Variants in GPD2 observed in about 807,000 individuals in gnomAD.
GPD2 encodes glycerol-3-phosphate dehydrogenase, mitochondrial.
A neutral mutation model predicts 82.4 loss-of-function variants in GPD2; 54 were observed. The observed-to-expected ratio is 0.66, with a 90% CI of 0.53 to 0.82. The LOEUF (loss-of-function observed/expected upper bound fraction) is 0.82, where lower values mean the gene tolerates loss of function less well. GPD2 is among the 40% of genes least tolerant of loss of function. GPD2 has a pLI of 0.00. For missense variants in GPD2, 748 were observed against 896.2 expected, an observed-to-expected ratio of 0.83 and a Z score of 2.11; for synonymous variants, 288 against 306.1, an observed-to-expected ratio of 0.94 and a Z score of 0.62.
chr2:156,424,536 A>C, the GPD2 span, among the ~76,000 whole-genome samples: 2 of 152,236 alleles, frequency 1.3e-5, no homozygotes, highest in Non-Finnish European at 2.9e-5. Flanking sequence ...GGAAGAAGAA[A>C]ATCAAGGATA....
At chr2:156,461,562 T>G (rs1682989197) in intron 1 of GPD2, among the ~76,000 whole-genome samples, 1 of 152,094 alleles carries the variant, frequency 6.6e-6, no homozygotes, top group Non-Finnish European at 1.5e-5. Flanking sequence ...CTATTTTTTG[T>G]AGGCACAGGG....
chr2:156,525,709 A>G (rs777798211), intron 6 of GPD2, among the ~76,000 whole-genome samples: 1 of 152,220 alleles, frequency 6.6e-6, no homozygotes, highest in African/African-American at 2.4e-5. Context: ...GTGACTTAAC[A>G]TATTTATTTC....
At chr2:156,548,739 A>G (rs764971959) in intron 6 of GPD2, among the ~76,000 whole-genome samples, 2 of 152,176 alleles carry the variant, frequency 1.3e-5, no homozygotes, top group Non-Finnish European at 2.9e-5. Flanking sequence ...ACTGATCCCA[A>G]TGTGTGGGAA....
chr2:156,444,209 T>C (rs1682275266), intron 1 of GPD2, among the ~76,000 whole-genome samples: 2 of 152,238 alleles, frequency 1.3e-5, no homozygotes, highest in African/African-American at 4.8e-5. Context: ...TTTTATTACC[T>C]GGAGTTTGGG....
At position 156,561,040 on chromosome 2, in the gene GPD2, C is replaced by CTTTTTTT. The variant is rs35948070; in HGVS notation, c.1165+3477_1165+3483dup. On this transcript the variant is annotated intron_variant, in intron 9 of 16. Coordinates refer to ENST00000438166, the MANE Select transcript of GPD2 (RefSeq NM_000408.5). ...GAAACTGAGGCCCAGTGACATTAAG[C>CTTTTTTT]TTTTTTTTTTTTTTTTTTTTTTTTT... Among the ~76,000 whole-genome samples, 94 of 27,628 alleles carry CTTTTTTT rather than the reference C, an allele frequency of 3.4e-3. 7 individuals carry two copies. The highest frequency in any genetic ancestry group is 5.0e-3 in the East Asian group (3 of 598). 18.1% of individuals were successfully genotyped at this position (27,628 alleles called of 152,430 possible).
At chr2:156,575,982 G>A (rs547001529) in intron 13 of GPD2, among the ~76,000 whole-genome samples, 1 of 152,298 alleles carries the variant, frequency 6.6e-6, no homozygotes, top group Non-Finnish European at 1.5e-5. Flanking sequence ...GAGAGTGAAT[G>A]TTTGATGATG....
intron 6 of GPD2, among the ~76,000 whole-genome samples, chr2:156,532,657 T>A (rs375629383): frequency 6.6e-6 from 1 of 152,150 alleles, no homozygotes; most frequent in African/African-American, 2.4e-5. Context: ...ATTCTATTGG[T>A]GGCAATAGGA....
In GPD2 at chr2:156,584,851, A is replaced by C. The variant is rs950836776; in HGVS notation, c.*1933A>C. 1 of 152,246 alleles carries C rather than the reference A, an allele frequency of 6.6e-6. No individual in the cohort carries two copies. The highest frequency in any genetic ancestry group is 1.5e-5 in the Non-Finnish European group (1 of 67,894). The allele number at this position is 152,246 out of a possible 1,614,324, so 9.4% of individuals were successfully genotyped here. ...CCAGATGATATACACAATATGGTACATTTGTGCTCTCTCTCTCTGTTTTTC... is the reference window on the plus strand; with the variant it reads ...CCAGATGATATACACAATATGGTACCTTTGTGCTCTCTCTCTCTGTTTTTC... On this transcript the variant is annotated 3_prime_UTR_variant, in exon 17 of 17. Coordinates refer to ENST00000438166, the MANE Select transcript of GPD2 (RefSeq NM_000408.5).
At chr2:156,416,127 A>G in the GPD2 span, among the ~76,000 whole-genome samples, 2 of 151,854 alleles carry the variant, frequency 1.3e-5, no homozygotes, top group African/African-American at 4.8e-5. Context: ...ATCTTGAGTA[A>G]TATTCTATCA....
intron 6 of GPD2, among the ~76,000 whole-genome samples, chr2:156,530,927 A>G (rs1298844122): frequency 2.0e-5 from 3 of 152,162 alleles, no homozygotes; most frequent in African/African-American, 7.2e-5. Context: ...CCTGGGCTCA[A>G]GTGATTCTCC....
At position 156,513,436 on chromosome 2, in the gene GPD2, C is replaced by G. The variant is rs150794535; in HGVS notation, c.601C>G (p.Leu201Val). 2.5e-6 allele frequency: 4 copies of G among 1,612,616 alleles called. No homozygotes were observed. The highest frequency in any genetic ancestry group is 3.4e-6 in the Non-Finnish European group (4 of 1,179,282). Reference sequence around the variant, plus strand: ...TTATGTCCTCAGCAAATCAAGAGCCCTTGAACATTTCCCAATGCTCCAGAA... The same window carrying G: ...TTATGTCCTCAGCAAATCAAGAGCCGTTGAACATTTCCCAATGCTCCAGAA... ...SSYVLSKSRA[L>V]EHFPMLQKDK... Residue 201 changes from leucine to valine, a missense_variant, in exon 6 of 17, where the codon CTT becomes GTT. Leu to Val is a conservative substitution (Grantham distance 32). Around this residue, in one of 3 missense-constraint regions of GPD2, gnomAD observed 692 missense variants for 809.7 expected, o/e 0.85. Coordinates refer to ENST00000438166, the MANE Select transcript of GPD2 (RefSeq NM_000408.5).
chr2:156,470,701 C>T (rs1253122145), intron 1 of GPD2, among the ~76,000 whole-genome samples: 3 of 152,120 alleles, frequency 2.0e-5, no homozygotes, highest in African/African-American at 7.2e-5. Context: ...GGTGGATGCA[C>T]TCAGGGACTT....
At position 156,512,250 on chromosome 2, in the gene GPD2, C is replaced by T. The variant is rs531051841; in HGVS notation, c.430C>T (p.Arg144Cys). The change falls in exon 5 of 17, where the codon CGT becomes TGT. Residue 144 changes from arginine (R) to cysteine (C), a missense_variant. Physicochemically the swap from Arg to Cys is radical, Grantham distance 180 (BLOSUM62 -3). This residue lies in a region of GPD2 where 692 missense variants were observed against 809.7 expected (regional missense o/e 0.85). Coordinates refer to ENST00000438166, the MANE Select transcript of GPD2 (RefSeq NM_000408.5). ...YRMVKEALHE[R>C]ANLLEIAPHL... Reference sequence around the variant, plus strand: ...GATGGTAAAAGAAGCCCTTCATGAGCGTGCCAACCTGCTAGAAATTGCTCC... The same window carrying T: ...GATGGTAAAAGAAGCCCTTCATGAGTGTGCCAACCTGCTAGAAATTGCTCC... The T allele has an allele frequency of 2.4e-5, 38 of 1,598,770 alleles. 1 individual carries two copies. In the Admixed American group the frequency reaches 3.0e-4, roughly 13 times the overall value.
chr2:156,500,870 TCTC>T (rs1486897593), intron 3 of GPD2, among the ~76,000 whole-genome samples: 6 of 152,330 alleles, frequency 3.9e-5, no homozygotes, highest in Admixed American at 2.0e-4. Flanking sequence ...TATGCAGACT[TCTC>T]CTCACGTTCT....
intron 6 of GPD2, 111 bp downstream of exon 6, chr2:156,513,607 C>G (rs1426279845): frequency 1.2e-6 from 1 of 850,160 alleles, no homozygotes; most frequent in East Asian, 2.6e-5. Flanking sequence ...TAATCTTACA[C>G]AACACACAAA....
At chr2:156,405,625 C>A in the GPD2 span, among the ~76,000 whole-genome samples, 2 of 152,162 alleles carry the variant, frequency 1.3e-5, no homozygotes, top group Non-Finnish European at 2.9e-5. Context: ...TCCTGTTTCA[C>A]ATCGGGAATG....
chr2:156,482,889 G>C (rs1376199348), intron 2 of GPD2, among the ~76,000 whole-genome samples: 1 of 152,152 alleles, frequency 6.6e-6, no homozygotes, highest in Admixed American at 6.5e-5. Context: ...GTTAGTGTCA[G>C]CAAAACCCAG....
intron 1 of GPD2, among the ~76,000 whole-genome samples, chr2:156,475,547 A>C (rs1312975378): frequency 6.6e-6 from 1 of 152,156 alleles, no homozygotes; most frequent in African/African-American, 2.4e-5. Flanking sequence ...TCTTTCAATA[A>C]TAGAAATATA....
chr2:156,430,992 G>T (rs1384174840), upstream of GPD2, among the ~76,000 whole-genome samples: 1 of 152,196 alleles, frequency 6.6e-6, no homozygotes, highest in Non-Finnish European at 1.5e-5. Context: ...AAATTCGTCT[G>T]ACAACACAAC....
Sources: allele counts gnomAD v4.1 joint callset (sites outside exome capture counted in the v4.1 genomes callset), GRCh38; gene constraint gnomAD v4.1.1; regional missense constraint gnomAD v4.1.1; transcripts MANE v1.5; gene names NCBI Gene and HGNC (gene_info 2026-07-23, HGNC 2026-07-21).